HPSE: variants seen among roughly 807,000 people sequenced by gnomAD.
The protein encoded by HPSE is heparanase.
A neutral mutation model predicts 65.1 loss-of-function variants in HPSE; 48 were observed. The observed-to-expected ratio is 0.74, with a 90% CI of 0.58 to 0.94. The LOEUF is 0.94. Among genes scored for constraint, HPSE ranks in the 40% least tolerant of loss-of-function variants. HPSE has a pLI of 0.00. For missense variants in HPSE, 644 were observed against 637.5 expected (o/e 1.01, Z -0.11); for synonymous variants, 243 against 260.0 (o/e 0.93, Z 0.63).
rs1330659620 is a variant in HPSE at position 83,295,495 on chromosome 4, T to C, written c.1481A>G (p.Gln494Arg). ...GPHGLLSKSV[Q>R]LNGLTLKMVD... is the part of the protein sequence containing the mutation. ...CATCTTTAGAGTTAGACCATTGAGT[T>C]GGACAGATCTGCAAAGGAGAAAGAT... The change falls in exon 12 of 12, where the codon CAA (glutamine) becomes CGA (arginine). Residue 494 changes from glutamine to arginine, a missense_variant. Physicochemically the swap from Gln to Arg is conservative, Grantham distance 43. Coordinates refer to ENST00000311412, the MANE Select transcript of HPSE (RefSeq NM_001098540.3). The C allele has an allele frequency of 6.3e-7, 1 of 1,594,056 alleles. No individual in the cohort carries two copies. Among genetic ancestry groups the C allele is most frequent in the African/African-American group, 1.3e-5 (1 of 74,326 alleles).
chr4:83,304,309 G>A (rs1736074282), intron 9 of HPSE, among the ~76,000 whole-genome samples: 1 of 152,160 alleles, frequency 6.6e-6, no homozygotes, highest in African/African-American at 2.4e-5. Context: ...GAAAGGGAAG[G>A]AGGGGGACTT....
chr4:83,309,450 GT>G lies in HPSE; in HGVS notation c.935del (p.Asn312ThrfsTer30), dbSNP rs764024455. On this transcript the variant is annotated frameshift_variant, in exon 7 of 12. Transcript: ENST00000311412. LOFTEE classifies it high-confidence loss of function. ...AAATAAAAATGTCCAATACATCAGG[GT>G]TTAGAAAATCTTCCTTGGTAGCAGT... ...GRTATKEDFL[N>X]PDVLDIFISS... 142 of 1,593,678 alleles carry G rather than the reference GT, an allele frequency of 8.9e-5. No individual in the cohort carries two copies. Among genetic ancestry groups the G allele is most frequent in the Non-Finnish European group, 1.1e-4 (128 of 1,165,642 alleles).
At chr4:83,309,221 C>G (rs981638321) in intron 7 of HPSE, among the ~76,000 whole-genome samples, 181 bp downstream of exon 7, 1 of 152,176 alleles carries the variant, frequency 6.6e-6, no homozygotes, top group African/African-American at 2.4e-5. Flanking sequence ...TTTCAAATTT[C>G]TAATCACGTA....
At chr4:83,320,531 A>G (rs1736849446) in intron 2 of HPSE, among the ~76,000 whole-genome samples, 1 of 150,960 alleles carries the variant, frequency 6.6e-6, no homozygotes, top group Admixed American at 6.6e-5. Context: ...CCGCCATTGC[A>G]CTCCAGCCTG....
chr4:83,298,663 A>G (rs1260449531), intron 11 of HPSE, among the ~76,000 whole-genome samples: 1 of 152,050 alleles, frequency 6.6e-6, no homozygotes, highest in African/African-American at 2.4e-5. Flanking sequence ...CATCGTCTCT[A>G]CAAAAAGTTA....
chr4:83,308,237 G>A (rs889056156), intron 8 of HPSE, among the ~76,000 whole-genome samples: 2 of 151,926 alleles, frequency 1.3e-5, no homozygotes, highest in Non-Finnish European at 2.9e-5. Flanking sequence ...TCAAAACCCC[G>A]TCTCTACTAA....
intron 9 of HPSE, among the ~76,000 whole-genome samples, chr4:83,305,718 T>G (rs1284264848): frequency 6.6e-6 from 1 of 152,188 alleles, no homozygotes; most frequent in Non-Finnish European, 1.5e-5. Flanking sequence ...TAAGACTTTA[T>G]TCATAAATAT....
intron 1 of HPSE, among the ~76,000 whole-genome samples, chr4:83,328,056 G>A (rs1413139605): frequency 2.6e-5 from 4 of 152,176 alleles, no homozygotes; most frequent in East Asian, 1.9e-4. Context: ...CAAGAAAGGC[G>A]ACAGACCTAA....
rs995342579 is a variant in HPSE at position 83,334,416 on chromosome 4, G to A, written c.227+140C>T. On this transcript the variant is annotated intron_variant, in intron 1 of 11. Transcript: ENST00000311412. The stretch of plus-strand genomic sequence containing the variant: ...GGGAGGGAGAGGGAGAATGAGAGGC[G>A]GGAAGTGGGGTGGGGAGAGACAGGC... The A allele has an allele frequency of 8.7e-6, 8 of 923,774 alleles. No individual in the cohort carries two copies. In the Admixed American group the frequency reaches 1.7e-4, roughly 20 times the overall value. The allele number at this position is 923,774 out of a possible 1,614,324, so 57.2% of individuals were successfully genotyped here.
chr4:83,309,042 T>A (rs879182188), intron 7 of HPSE, 91 bp from the exon 8 acceptor site: 2 of 964,830 alleles, frequency 2.1e-6, no homozygotes, highest in South Asian at 1.4e-5. Flanking sequence ...TTCAAAACTT[T>A]GTATTCCTAG....
intron 1 of HPSE, among the ~76,000 whole-genome samples, chr4:83,325,480 A>C (rs1389876936): frequency 1.3e-5 from 2 of 152,106 alleles, no homozygotes; most frequent in Admixed American, 6.6e-5. Context: ...CGTCTGTTTT[A>C]ATAGGTGAAA....
Position 83,309,443 on chromosome 4 carries a change from C to T in HPSE, c.943G>A (p.Val315Ile), listed in dbSNP as rs1736279884. ...ATKEDFLNPD[V>I]LDIFISSVQK... Reference sequence around the variant, plus strand: ...ACAGATGAAATAAAAATGTCCAATACATCAGGGTTTAGAAAATCTTCCTTG... The same window carrying T: ...ACAGATGAAATAAAAATGTCCAATATATCAGGGTTTAGAAAATCTTCCTTG... Residue 315 changes from valine (V) to isoleucine (I), a missense_variant, in exon 7 of 12, where the codon GTA becomes ATA. Coordinates refer to ENST00000311412, the MANE Select transcript of HPSE (RefSeq NM_001098540.3). The T allele has an allele frequency of 1.3e-6, 2 of 1,594,592 alleles. No homozygotes were observed. Among genetic ancestry groups the T allele is most frequent in the Non-Finnish European group, 1.7e-6 (2 of 1,166,508 alleles).
At chr4:83,309,964 T>C in intron 6 of HPSE, 67 bp downstream of exon 6, 1 of 1,171,024 alleles carries the variant, frequency 8.5e-7, no homozygotes, top group East Asian at 2.4e-5. Flanking sequence ...AACTAACTTT[T>C]TGAATACTAG....
At chr4:83,328,599 G>A (rs1229506033) in intron 1 of HPSE, among the ~76,000 whole-genome samples, 2 of 152,198 alleles carry the variant, frequency 1.3e-5, no homozygotes, top group Admixed American at 6.5e-5. Flanking sequence ...AACAAAGGAA[G>A]GCCATTGATG....
At chr4:83,296,799 A>T (rs967626483) in intron 11 of HPSE, among the ~76,000 whole-genome samples, 1 of 152,176 alleles carries the variant, frequency 6.6e-6, no homozygotes, top group Admixed American at 6.5e-5. Context: ...TATATAGTAA[A>T]CACTATAAAA....
chr4:83,320,209 CT>C (rs575487528), intron 2 of HPSE, among the ~76,000 whole-genome samples: 6 of 152,024 alleles, frequency 3.9e-5, no homozygotes, highest in African/African-American at 7.3e-5. Flanking sequence ...GAACCGTTGA[CT>C]TTTTTTCGCT....
chr4:83,313,096 G>A lies in HPSE; in HGVS notation c.673+18C>T, dbSNP rs375696506. The A allele has an allele frequency of 6.7e-6, 10 of 1,491,148 alleles. No homozygotes were observed. The highest frequency in any genetic ancestry group is 8.3e-6 in the Non-Finnish European group (9 of 1,084,660). 92.4% of individuals were successfully genotyped at this position (1,491,148 alleles called of 1,614,324 possible). ...TGGGGGATCTCCTTATTAATGAATT[G>A]TTCCCTGGGGTACTCACCATTGCCT... On this transcript the variant is annotated intron_variant, in intron 4 of 11. Transcript: ENST00000311412.
At chr4:83,327,661 C>A (rs778099918) in intron 1 of HPSE, among the ~76,000 whole-genome samples, 3 of 152,302 alleles carry the variant, frequency 2.0e-5, no homozygotes, top group Non-Finnish European at 4.4e-5. Flanking sequence ...TTACTTCTCT[C>A]TGACACAAAA....
intron 2 of HPSE, 76 bp downstream of exon 2, chr4:83,322,139 GAAAT>G: frequency 8.2e-7 from 1 of 1,226,880 alleles, no homozygotes; most frequent in South Asian, 1.3e-5. Flanking sequence ...TTAGGTGTGA[GAAAT>G]AACAGTTTTC....
Sources: gnomAD v4.1 joint callset for allele counts (sites outside exome capture counted in the v4.1 genomes callset) on GRCh38, gnomAD v4.1.1 for gene constraint, MANE v1.5 for transcripts, NCBI Gene and HGNC (gene_info 2026-07-23, HGNC 2026-07-21) for gene names.